BRI3: variants seen among roughly 807,000 people sequenced by gnomAD.
BRI3 encodes brain protein I3.
A neutral mutation model predicts 12.8 loss-of-function variants in BRI3; 6 were observed. The ratio of observed to expected loss-of-function variants is 0.47; its 90% CI spans 0.26 to 0.93. BRI3 has a LOEUF of 0.93. Among genes scored for constraint, BRI3 ranks in the 40% least tolerant of loss-of-function variants. The pLI is 0.15. For synonymous variants in BRI3, 91 were observed against 76.1 expected, an observed-to-expected ratio of 1.20 and a Z score of -1.02; for missense variants, 134 against 171.1, an observed-to-expected ratio of 0.78 and a Z score of 1.21.
chr7:98,298,952 TCACCTCA>T (rs1800302769), intron 1 of BRI3, among the ~76,000 whole-genome samples: 1 of 151,984 alleles, frequency 6.6e-6, no homozygotes, highest in African/African-American at 2.4e-5. Flanking sequence ...ATCGATCCTC[TCACCTCA>T]GGCTCCTGAG....
At chr7:98,292,549 G>A (rs1800011810), downstream of BRI3, 3 of 1,263,176 alleles carry the variant, frequency 2.4e-6, no homozygotes, top group Admixed American at 6.0e-5. Context: ...CGGGCTCAGG[G>A]CAGCCAGTGC....
At chr7:98,312,243 T>C (rs747660284), downstream of BRI3, 2 of 1,612,468 alleles carry the variant, frequency 1.2e-6, no homozygotes, top group South Asian at 2.2e-5. Flanking sequence ...CGAGGCAGCT[T>C]GGAATTCAGT....
At chr7:98,312,520 G>C (rs1800910763), downstream of BRI3, among the ~76,000 whole-genome samples, 1 of 152,110 alleles carries the variant, frequency 6.6e-6, no homozygotes, top group Admixed American at 6.5e-5. Context: ...GACTAATACG[G>C]GGATGGTAAA....
chr7:98,294,365 T>A (rs1331393658), downstream of BRI3, among the ~76,000 whole-genome samples: 1 of 152,170 alleles, frequency 6.6e-6, no homozygotes, highest in African/African-American at 2.4e-5. Flanking sequence ...AAGTGCCCTG[T>A]CCCAATCTGT....
At chr7:98,288,941 G>A (rs1003348155) in intron 2 of BRI3, among the ~76,000 whole-genome samples, 35 of 152,034 alleles carry the variant, frequency 2.3e-4, no homozygotes, top group African/African-American at 7.2e-5. Context: ...GAGGGAGGCA[G>A]GTGGGCATGA....
downstream of BRI3, chr7:98,292,253 A>G: frequency 3.8e-6 from 1 of 263,596 alleles, no homozygotes; most frequent in South Asian, 4.3e-5. Flanking sequence ...AGCAACACAC[A>G]CGGTGAGCGG....
the BRI3 span, chr7:98,320,339 T>G: frequency 6.8e-7 from 1 of 1,475,596 alleles, no homozygotes; most frequent in Non-Finnish European, 9.3e-7. Context: ...AGCCATTGCG[T>G]ATTTTTTTGT....
chr7:98,299,995 C>G lies in BRI3; in HGVS notation c.72-6488C>G, dbSNP rs142302306. 3.9e-5 allele frequency among the ~76,000 whole-genome samples: 6 copies of G among 152,304 alleles called. No homozygotes were observed. The East Asian group carries it at 9.6e-4, about 24-fold the overall frequency. ...AGTGGAGGTTGCTGTGAACCAAGATCATGCCACTGCACTCCAGCCTGGGCG... is the reference window on the plus strand; with the variant it reads ...AGTGGAGGTTGCTGTGAACCAAGATGATGCCACTGCACTCCAGCCTGGGCG... On this transcript the variant is annotated intron_variant and NMD_transcript_variant, in intron 1 of 2. Coordinates refer to the BRI3 transcript ENST00000491463.
chr7:98,288,327 G>T (rs1440506849), intron 2 of BRI3, among the ~76,000 whole-genome samples: 1 of 152,106 alleles, frequency 6.6e-6, no homozygotes, highest in African/African-American at 2.4e-5. Flanking sequence ...CTTGGGAGCT[G>T]TGGCACCTGG....
the BRI3 span, among the ~76,000 whole-genome samples, chr7:98,322,682 C>T: frequency 6.6e-6 from 1 of 152,236 alleles, no homozygotes; most frequent in East Asian, 1.9e-4. Flanking sequence ...CACTCACGTC[C>T]CACCACGTGG....
upstream of BRI3, among the ~76,000 whole-genome samples, chr7:98,302,108 C>T (rs1454352334): frequency 6.6e-6 from 1 of 152,196 alleles, no homozygotes; most frequent in Non-Finnish European, 1.5e-5. Flanking sequence ...AGCCAGGTCA[C>T]CTTTCCACTC....
At chr7:98,319,393 C>G in the BRI3 span, among the ~76,000 whole-genome samples, 743 of 152,326 alleles carry the variant, frequency 4.9e-3, 11 homozygotes, top group African/African-American at 0.017. Context: ...CTCTCCCGCA[C>G]ACCACCCACA....
At chr7:98,308,660 AG>A (rs1253778306) in exon 2 of BRI3, 3 of 232,066 alleles carry the variant, frequency 1.3e-5, no homozygotes, top group Non-Finnish European at 2.6e-5. Flanking sequence ...GAAAAAAGGT[AG>A]AAAAAAATAT....
At chr7:98,312,679 G>A (rs1800915364), downstream of BRI3, among the ~76,000 whole-genome samples, 2 of 152,306 alleles carry the variant, frequency 1.3e-5, no homozygotes, top group South Asian at 4.1e-4. Context: ...CACGGGCCCC[G>A]TAGTTGACTC....
chr7:98,307,910 T>G (rs764583121), exon 2 of BRI3: 1 of 1,613,648 alleles, frequency 6.2e-7, no homozygotes, highest in East Asian at 2.2e-5. Context: ...TTGGAGGGAG[T>G]GTAGCAGTAA....
At chr7:98,304,391 G>C (rs913882549), upstream of BRI3, 1 of 1,613,264 alleles carries the variant, frequency 6.2e-7, no homozygotes, top group Non-Finnish European at 8.5e-7. Context: ...AACCCAAAAA[G>C]GACACAGCAC....
chr7:98,319,045 G>C, the BRI3 span, among the ~76,000 whole-genome samples: 2 of 152,042 alleles, frequency 1.3e-5, no homozygotes, highest in Non-Finnish European at 2.9e-5. Flanking sequence ...ATGCACCTTA[G>C]CAGCTGTCCG....
chr7:98,297,188 C>T (rs1710892522), downstream of BRI3, among the ~76,000 whole-genome samples: 1 of 152,216 alleles, frequency 6.6e-6, no homozygotes, highest in Non-Finnish European at 1.5e-5. Flanking sequence ...ATCTTGTGAT[C>T]CCCCATCTCC....
chr7:98,281,918 C>T lies in BRI3; in HGVS notation c.123C>T (p.Pro41=). ...GAIPAAPPPP[P]YPYLVTGIPT... Reference sequence around the variant, plus strand: ...TCCCCGCCGCGCCCCCGCCGCCGCCCTACCCCTACCTCGTCACAGGTGGGC... The same window carrying T: ...TCCCCGCCGCGCCCCCGCCGCCGCCTTACCCCTACCTCGTCACAGGTGGGC... The change falls in exon 1 of 3, where the codon CCC becomes CCT. Residue 41 remains proline, a synonymous_variant. Coordinates refer to ENST00000297290, the MANE Select transcript of BRI3 (RefSeq NM_015379.5). 2 of 1,307,074 alleles carry T rather than the reference C, an allele frequency of 1.5e-6. No individual in the cohort carries two copies. Among genetic ancestry groups the T allele is most frequent in the Non-Finnish European group, 1.9e-6 (2 of 1,029,360 alleles). The allele number at this position is 1,307,074 out of a possible 1,614,324, so 81.0% of individuals were successfully genotyped here.
Sources: allele counts gnomAD v4.1 joint callset (sites outside exome capture counted in the v4.1 genomes callset), GRCh38; gene constraint gnomAD v4.1.1; transcripts MANE v1.5; gene names NCBI Gene and HGNC (gene_info 2026-07-23, HGNC 2026-07-21).